Variants in POLA1 observed in about 807,000 individuals in gnomAD.
The protein encoded by POLA1 is DNA polymerase alpha catalytic subunit.
POLA1 carries 15 observed loss-of-function variants against 124.0 expected under a neutral mutation model. The observed-to-expected ratio is 0.12, with a 90% CI of 0.08 to 0.19. The LOEUF (loss-of-function observed/expected upper bound fraction) is 0.19. POLA1 is among the 10% of genes least tolerant of loss of function. POLA1 has a pLI of 1.00. For synonymous variants in POLA1, 408 were observed against 389.4 expected (o/e 1.05, Z -0.56); for missense variants, 886 against 1,103.4 (o/e 0.80, Z 2.79).
intron 34 of POLA1, among the ~76,000 whole-genome samples, chrX:24,876,988 T>C (rs1463426126): frequency 8.9e-6 from 1 of 112,336 alleles, no homozygotes; most frequent in African/African-American, 3.2e-5. Flanking sequence ...TTGCAAATTA[T>C]TGCAATTATG....
In POLA1 at chrX:24,959,139, C is replaced by A. The variant is rs767176413; in HGVS notation, c.4261+28590C>A. 9.0e-5 allele frequency among the ~76,000 whole-genome samples: 10 copies of A among 111,709 alleles called. No homozygotes were observed. The East Asian group carries it at 2.6e-3, about 28-fold the overall frequency. ...CAAGCCAGAAACAATCCTATAGACT[C>A]TTCTCTCCCATTCCCTCCACATCCA... On this transcript the variant is annotated intron_variant, in intron 36 of 36. Coordinates refer to ENST00000379068, the MANE Select transcript of POLA1 (RefSeq NM_001330360.2).
intron 34 of POLA1, among the ~76,000 whole-genome samples, chrX:24,873,337 T>C (rs1271063585): frequency 8.9e-6 from 1 of 112,187 alleles, no homozygotes; most frequent in Non-Finnish European, 1.9e-5. Flanking sequence ...CATACCGTTC[T>C]ACTTTGCAAT....
At chrX:24,949,637 G>A (rs2048008962) in intron 36 of POLA1, among the ~76,000 whole-genome samples, 1 of 106,192 alleles carries the variant, frequency 9.4e-6, no homozygotes, top group African/African-American at 3.4e-5. Flanking sequence ...GCAGACATAA[G>A]TGTGTTTATT....
At chrX:24,938,244 C>T (rs1399185822) in intron 36 of POLA1, among the ~76,000 whole-genome samples, 1 of 111,518 alleles carries the variant, frequency 9.0e-6, no homozygotes, top group Non-Finnish European at 1.9e-5. Flanking sequence ...GTGAAACCTC[C>T]GTCTCTATTA....
chrX:24,880,416 C>T (rs373244752), intron 34 of POLA1, among the ~76,000 whole-genome samples: 8 of 112,139 alleles, frequency 7.1e-5, no homozygotes, highest in African/African-American at 9.7e-5. Flanking sequence ...GTATTAACTT[C>T]GGTGAATAGT....
chrX:24,756,641 G>A (rs924780330), intron 26 of POLA1, among the ~76,000 whole-genome samples: 1 of 111,190 alleles, frequency 9.0e-6, no homozygotes, highest in Non-Finnish European at 1.9e-5. Flanking sequence ...AGAGTAAAGG[G>A]GAGGTCTGTG....
intron 35 of POLA1, among the ~76,000 whole-genome samples, chrX:24,890,874 G>A (rs2047135396): frequency 8.9e-6 from 1 of 112,386 alleles, no homozygotes; most frequent in Non-Finnish European, 1.9e-5. Flanking sequence ...AAAAGTGTAT[G>A]TATTTAGTGT....
At chrX:24,984,896 A>C (rs1009284613) in intron 36 of POLA1, among the ~76,000 whole-genome samples, 2 of 110,007 alleles carry the variant, frequency 1.8e-5, no homozygotes, top group African/African-American at 6.6e-5. Flanking sequence ...TCCTGACCTC[A>C]TGATCCGCCC....
At chrX:24,870,369 A>G (rs755317562) in intron 34 of POLA1, among the ~76,000 whole-genome samples, 2 of 112,087 alleles carry the variant, frequency 1.8e-5, no homozygotes, top group African/African-American at 6.5e-5. Flanking sequence ...CTCATCCCCA[A>G]GGAATTCAAA....
At chrX:24,978,816 A>G (rs1192692539) in intron 36 of POLA1, among the ~76,000 whole-genome samples, 1 of 112,293 alleles carries the variant, frequency 8.9e-6, no homozygotes, top group African/African-American at 3.2e-5. Flanking sequence ...TGATGTCCCC[A>G]ACTTTGTTAG....
At chrX:24,846,231 G>A (rs2046475050) in intron 34 of POLA1, among the ~76,000 whole-genome samples, 1 of 111,631 alleles carries the variant, frequency 9.0e-6, no homozygotes, top group Non-Finnish European at 1.9e-5. Context: ...TTATGGGAGA[G>A]GAGAGGCTTT....
intron 26 of POLA1, among the ~76,000 whole-genome samples, chrX:24,803,429 T>C (rs1287921097): frequency 9.0e-6 from 1 of 111,277 alleles, no homozygotes; most frequent in African/African-American, 3.3e-5. Context: ...ATGTTAATAG[T>C]ACTGAAGTTG....
At chrX:24,944,121 C>T (rs1409725455) in intron 36 of POLA1, among the ~76,000 whole-genome samples, 1 of 111,935 alleles carries the variant, frequency 8.9e-6, no homozygotes, top group African/African-American at 3.2e-5. Context: ...CTCTATAGTG[C>T]ATGGTGCGCC....
At chrX:24,807,011 G>A (rs890213226) in intron 26 of POLA1, among the ~76,000 whole-genome samples, 1 of 112,019 alleles carries the variant, frequency 8.9e-6, no homozygotes, top group Non-Finnish European at 1.9e-5. Context: ...TGCAAAAAAA[G>A]ACATCCACCA....
chrX:24,756,391 G>A (rs907076504), intron 26 of POLA1, among the ~76,000 whole-genome samples: 3 of 109,369 alleles, frequency 2.7e-5, no homozygotes, highest in Admixed American at 9.8e-5. Flanking sequence ...GTGAAACCCC[G>A]TCTCTGCTAA....
Position 24,712,044 on chromosome X carries a change from T to A in POLA1, c.347-2510T>A, listed in dbSNP as rs189006790. ...CTTTTGAATTTTTGCCACTCTGATA[T>A]GTGAGAAGTGGCATTTCAGTGTGGT... is the stretch of plus-strand genomic sequence containing the variant. On this transcript the variant is annotated intron_variant, in intron 4 of 36. Transcript: ENST00000379068. Among the ~76,000 whole-genome samples, 42 of 112,757 alleles carry A rather than the reference T, an allele frequency of 3.7e-4. No individual in the cohort carries two copies. The East Asian group carries it at 0.012, about 31-fold the overall frequency.
intron 6 of POLA1, among the ~76,000 whole-genome samples, chrX:24,716,042 A>G (rs1485569599): frequency 4.5e-5 from 5 of 111,836 alleles, no homozygotes; most frequent in Non-Finnish European, 9.4e-5. Context: ...ATTGATTAAA[A>G]TGACTTAACA....
intron 34 of POLA1, among the ~76,000 whole-genome samples, chrX:24,885,422 A>G (rs897798970): frequency 7.1e-5 from 8 of 112,201 alleles, no homozygotes; most frequent in African/African-American, 2.6e-4. Context: ...TTTATAGGCT[A>G]CATTTAAAAT....
chrX:24,979,883 C>A (rs1311620939), intron 36 of POLA1, among the ~76,000 whole-genome samples: 1 of 111,832 alleles, frequency 8.9e-6, no homozygotes, highest in Non-Finnish European at 1.9e-5. Context: ...GCCACTTTAG[C>A]AAGTGTAATA....
Sources: gnomAD v4.1 joint callset for allele counts (sites outside exome capture counted in the v4.1 genomes callset) on GRCh38, gnomAD v4.1.1 for gene constraint, MANE v1.5 for transcripts, NCBI Gene and HGNC (gene_info 2026-07-23, HGNC 2026-07-21) for gene names.